Variants in LRRIQ3 observed in about 807,000 individuals in gnomAD.
The protein encoded by LRRIQ3 is leucine rich repeats and IQ motif containing 3.
LRRIQ3 carries 75 observed loss-of-function variants against 59.3 expected under a neutral mutation model. That is an observed-to-expected ratio of 1.26 (90% CI 1.05 to 1.53). LRRIQ3 has a LOEUF of 1.53. Among genes scored for constraint, LRRIQ3 ranks in the 40% most tolerant of loss-of-function variants. The probability of loss-of-function intolerance (pLI) is 0.00; values close to 1 mark genes in which losing one functional copy is unlikely to be tolerated. For synonymous variants in LRRIQ3, 250 were observed against 231.3 expected, an observed-to-expected ratio of 1.08 and a Z score of -0.73; for missense variants, 831 against 710.0, an observed-to-expected ratio of 1.17 and a Z score of -1.94.
chr1:74,175,884 G>A (rs1649607319), intron 3 of LRRIQ3, among the ~76,000 whole-genome samples: 1 of 152,096 alleles, frequency 6.6e-6, no homozygotes, highest in Admixed American at 6.5e-5. Context: ...GGTGAAGTAT[G>A]GAAACCTTAT....
intron 4 of LRRIQ3, among the ~76,000 whole-genome samples, chr1:74,138,094 T>TA (rs889438716): frequency 3.4e-5 from 5 of 145,722 alleles, no homozygotes; most frequent in South Asian, 2.2e-4. Flanking sequence ...AGTATAATTT[T>TA]AAAAAAAAAG....
At chr1:74,166,038 T>G (rs1648963994) in intron 3 of LRRIQ3, among the ~76,000 whole-genome samples, 1 of 151,702 alleles carries the variant, frequency 6.6e-6, no homozygotes, top group South Asian at 2.1e-4. Context: ...TTGTGCTGTC[T>G]TTCATTTTGG....
chr1:74,038,177 C>A (rs1570006119), intron 7 of LRRIQ3, among the ~76,000 whole-genome samples: 3 of 152,322 alleles, frequency 2.0e-5, no homozygotes, highest in African/African-American at 4.8e-5. Flanking sequence ...CACAGCCCAA[C>A]ACACCGGCTG....
chr1:74,063,570 T>C (rs186222516), intron 6 of LRRIQ3, among the ~76,000 whole-genome samples: 26 of 152,244 alleles, frequency 1.7e-4, no homozygotes, highest in Admixed American at 6.5e-4. Context: ...GGGGTTTCTA[T>C]TGTTATGTGC....
chr1:74,108,830 A>G, intron 5 of LRRIQ3: 1 of 340,832 alleles, frequency 2.9e-6, no homozygotes, highest in Non-Finnish European at 5.7e-6. Context: ...TGGTAAGTTA[A>G]TTAACCTCTA....
At chr1:74,034,257 A>T (rs1295664425) in intron 7 of LRRIQ3, among the ~76,000 whole-genome samples, 1 of 152,026 alleles carries the variant, frequency 6.6e-6, no homozygotes, top group African/African-American at 2.4e-5. Context: ...CTTTTTGATC[A>T]CATCTTCTTT....
intron 5 of LRRIQ3, chr1:74,084,129 T>A: frequency 6.5e-7 from 1 of 1,532,820 alleles, no homozygotes; most frequent in Non-Finnish European, 8.8e-7. Context: ...CAATGAATGA[T>A]GTGCATAATT....
At chr1:74,043,118 T>C (rs1457339106) in intron 6 of LRRIQ3, among the ~76,000 whole-genome samples, 1 of 152,120 alleles carries the variant, frequency 6.6e-6, no homozygotes, top group Non-Finnish European at 1.5e-5. Flanking sequence ...CACATTGTTG[T>C]TTGCATATTT....
At chr1:74,032,102 T>C (rs1653737074) in intron 7 of LRRIQ3, among the ~76,000 whole-genome samples, 1 of 151,986 alleles carries the variant, frequency 6.6e-6, no homozygotes. Flanking sequence ...CAAGAGCCTC[T>C]ATGATAGAAA....
At chr1:74,183,832 T>A in intron 1 of LRRIQ3, 148 bp from the exon 2 acceptor site, 2 of 599,696 alleles carry the variant, frequency 3.3e-6, no homozygotes, top group Non-Finnish European at 5.3e-6. Flanking sequence ...GAACTTTCTA[T>A]CCCAAAATAA....
intron 3 of LRRIQ3, among the ~76,000 whole-genome samples, chr1:74,169,678 A>G (rs1385307222): frequency 6.6e-6 from 1 of 151,924 alleles, no homozygotes; most frequent in African/African-American, 2.4e-5. Flanking sequence ...TAGCCTCCCA[A>G]ATAGCTGAGA....
intron 4 of LRRIQ3, among the ~76,000 whole-genome samples, chr1:74,118,879 G>A (rs1646813521): frequency 6.6e-6 from 1 of 152,026 alleles, no homozygotes; most frequent in Admixed American, 6.6e-5. Flanking sequence ...AGGAAGAAAT[G>A]CTTCTTCAAG....
intron 5 of LRRIQ3, among the ~76,000 whole-genome samples, chr1:74,094,584 G>A (rs974857205): frequency 3.3e-5 from 5 of 151,992 alleles, no homozygotes; most frequent in Non-Finnish European, 7.4e-5. Flanking sequence ...TAGTCTTCTG[G>A]AACTATAAAG....
chr1:74,170,166 C>T lies in LRRIQ3; in HGVS notation c.573+12372G>A, dbSNP rs577592485. ...GTTGATTGTTTCCCTTGCTGTGTAGCAGCTTTTTAGTTTGATGTAGTCTTA... is the reference window on the plus strand; with the variant it reads ...GTTGATTGTTTCCCTTGCTGTGTAGTAGCTTTTTAGTTTGATGTAGTCTTA... On this transcript the variant is annotated intron_variant, in intron 3 of 7. Coordinates refer to ENST00000354431, the MANE Select transcript of LRRIQ3 (RefSeq NM_001105659.2). 2.8e-4 allele frequency among the ~76,000 whole-genome samples: 43 copies of T among 152,212 alleles called. No individual in the cohort carries two copies. The South Asian group carries it at 3.7e-3, about 13-fold the overall frequency.
intron 3 of LRRIQ3, among the ~76,000 whole-genome samples, chr1:74,159,382 C>T (rs1219558999): frequency 6.6e-6 from 1 of 152,118 alleles, no homozygotes; most frequent in African/African-American, 2.4e-5. Flanking sequence ...GATATCTGGT[C>T]TATAACTGGC....
At chr1:74,109,649 G>T (rs1646665679) in intron 4 of LRRIQ3, 96 bp from the exon 5 acceptor site, 1 of 958,182 alleles carries the variant, frequency 1.0e-6, no homozygotes, top group Non-Finnish European at 1.5e-6. Context: ...AGAAAACATA[G>T]TGTTAAATTG....
At chr1:74,181,362 A>C (rs1439830101) in intron 3 of LRRIQ3, 9 of 151,938 alleles carry the variant, frequency 5.9e-5, no homozygotes, top group Admixed American at 5.9e-4. Context: ...TAGAGCACTT[A>C]CTATGAGGGA....
rs145878357 is a variant in LRRIQ3 at position 74,027,955 on chromosome 1, G to A, written c.1719-986C>T. Among the ~76,000 whole-genome samples, 569 of 152,112 alleles carry A rather than the reference G, an allele frequency of 3.7e-3. 9 individuals carry two copies. The highest frequency in any genetic ancestry group is 0.013 in the African/African-American group (531 of 41,522). ...GTAAATATAAACTAAAGAGCAAGGA[G>A]GGGAAGATAAAAAAAAGTTTAAAGT... On this transcript the variant is annotated intron_variant, in intron 7 of 7. Transcript: ENST00000354431.
At chr1:74,088,922 A>G (rs1047106109) in intron 5 of LRRIQ3, among the ~76,000 whole-genome samples, 2 of 152,116 alleles carry the variant, frequency 1.3e-5, no homozygotes, top group African/African-American at 4.8e-5. Context: ...TATATGTGAT[A>G]AAAGATTTGT....
Sources: gnomAD v4.1 joint callset for allele counts (sites outside exome capture counted in the v4.1 genomes callset) on GRCh38, gnomAD v4.1.1 for gene constraint, MANE v1.5 for transcripts, NCBI Gene and HGNC (gene_info 2026-07-23, HGNC 2026-07-21) for gene names.